SLC25A46: variants seen among roughly 807,000 people sequenced by gnomAD.
The protein encoded by SLC25A46 is mitochondrial outer membrane protein SLC25A46.
A neutral mutation model predicts 44.6 loss-of-function variants in SLC25A46; 39 were observed. That is an observed-to-expected ratio of 0.87 (90% CI 0.68 to 1.14). The LOEUF (loss-of-function observed/expected upper bound fraction) is 1.14. Ranked by LOEUF, SLC25A46 falls within the 50% of genes most tolerant of loss-of-function variation. The pLI is 0.00. For synonymous variants in SLC25A46, 202 were observed against 185.8 expected, an observed-to-expected ratio of 1.09 and a Z score of -0.71; for missense variants, 547 against 522.7, an observed-to-expected ratio of 1.05 and a Z score of -0.45.
intron 7 of SLC25A46, among the ~76,000 whole-genome samples, chr5:110,760,387 C>T (rs1333156375): frequency 6.6e-6 from 1 of 152,090 alleles, no homozygotes; most frequent in African/African-American, 2.4e-5. Flanking sequence ...CTTTGCACAA[C>T]AGCCAGTATT....
intron 5 of SLC25A46, among the ~76,000 whole-genome samples, chr5:110,750,184 T>G (rs6873681): frequency 0.094 from 12,745 of 136,244 alleles, 625 homozygotes; most frequent in African/African-American, 0.14. Flanking sequence ...AAATAAACTT[T>G]GCTAAAACGT....
rs186952647 is a variant in SLC25A46 at position 110,742,246 on chromosome 5, C to T, written c.326+157C>T. Among the ~76,000 whole-genome samples the T allele has an allele frequency of 3.0e-3, 456 of 151,886 alleles. 3 individuals carry two copies. Among genetic ancestry groups the T allele is most frequent in the African/African-American group, 0.01 (417 of 41,426 alleles). On this transcript the variant is annotated intron_variant, in intron 2 of 7. Coordinates refer to ENST00000355943, the MANE Select transcript of SLC25A46 (RefSeq NM_138773.4). ...TAATATTTTGCAGAAAAAAAATGAC[C>T]ATTATTTAAAATATATAATTTGATA...
intron 7 of SLC25A46, among the ~76,000 whole-genome samples, chr5:110,760,947 T>A (rs1800232986): frequency 6.6e-6 from 1 of 152,088 alleles, no homozygotes; most frequent in Non-Finnish European, 1.5e-5. Context: ...AAGAAGTTTC[T>A]TGAGATGTAT....
Position 110,739,295 on chromosome 5 carries a change from A to C in SLC25A46, c.176A>C (p.Glu59Ala), listed in dbSNP as rs1470129405. ...IPGSRNLHWG[E>A]KSPPYGVPTT... ...GGCAGCCGCAACCTGCACTGGGGCGAGAAGAGCCCGCCCTACGGCGTGCCC... is the reference window on the plus strand; with the variant it reads ...GGCAGCCGCAACCTGCACTGGGGCGCGAAGAGCCCGCCCTACGGCGTGCCC... Residue 59 changes from glutamate (E) to alanine (A), a missense_variant, in exon 1 of 8, where the codon GAG (glutamate) becomes GCG (alanine). Transcript: ENST00000355943. The C allele has an allele frequency of 1.3e-6, 2 of 1,573,600 alleles. No homozygotes were observed. The highest frequency in any genetic ancestry group is 1.3e-5 in the African/African-American group (1 of 74,248).
In SLC25A46 at chr5:110,761,641, T is replaced by C; in HGVS notation, c.1116T>C (p.Cys372=). 1.2e-6 allele frequency: 2 copies of C among 1,613,666 alleles called. No homozygotes were observed. The highest frequency in any genetic ancestry group is 8.5e-7 in the Non-Finnish European group (1 of 1,179,726). The change falls in exon 8 of 8, where the codon TGT becomes TGC. Residue 372 remains cysteine, a synonymous_variant. Transcript: ENST00000355943. This position sits in a 1 kb window ranked among gnomAD's most constrained non-coding sequence, Gnocchi z 5.3. ...INTQYEGMRD[C]INTIRQEEGV... ...CACAATATGAGGGAATGAGAGACTG[T>C]ATCAATACCATAAGGCAGGAGGAAG...
At chr5:110,738,811 T>C (rs1464160338), upstream of SLC25A46, 7 of 512,480 alleles carry the variant, frequency 1.4e-5, no homozygotes, top group African/African-American at 2.0e-5. Context: ...ACCAGTTCTC[T>C]TTCTGGAATC....
chr5:110,754,885 G>A (rs1474527418), intron 5 of SLC25A46: 2 of 152,238 alleles, frequency 1.3e-5, no homozygotes, highest in East Asian at 3.8e-4. Context: ...ATGAAATGGA[G>A]AAAATAGGGT....
In SLC25A46 at chr5:110,761,702, A is replaced by G; in HGVS notation, c.1177A>G (p.Ile393Val). 6.2e-7 allele frequency: 1 copy of G among 1,613,464 alleles called. No individual in the cohort carries two copies. The highest frequency in any genetic ancestry group is 8.5e-7 in the Non-Finnish European group (1 of 1,179,642). Residue 393 changes from isoleucine (I) to valine (V), a missense_variant, in exon 8 of 8, where the codon ATA (isoleucine) becomes GTA (valine). By Grantham distance (29) the Ile-to-Val change is conservative. Transcript: ENST00000355943. The surrounding 1 kb of genome is among the most constrained non-coding windows in gnomAD (Gnocchi z 5.3). Reference sequence around the variant, plus strand: ...TTTTTATAAAGGGTTTGGTGCTGTTATAATACAGTACACACTGCATGCAGC... The same window carrying G: ...TTTTTATAAAGGGTTTGGTGCTGTTGTAATACAGTACACACTGCATGCAGC... ...FGFYKGFGAVIIQYTLHAAVL... is the reference protein window; with the variant it reads ...FGFYKGFGAVVIQYTLHAAVL...
At chr5:110,738,207 AG>A, upstream of SLC25A46, 1 of 1,286,574 alleles carries the variant, frequency 7.8e-7, no homozygotes, top group South Asian at 1.2e-5. Flanking sequence ...AGATCTGGGG[AG>A]GGAGCCTGGC....
intron 1 of SLC25A46, among the ~76,000 whole-genome samples, chr5:110,739,962 T>A (rs373544854): frequency 2.0e-5 from 3 of 152,202 alleles, no homozygotes; most frequent in Non-Finnish European, 4.4e-5. Context: ...CTTTTCCTTT[T>A]TGAACACAGG....
chr5:110,746,090 A>G (rs761322353), intron 3 of SLC25A46, 179 bp from the exon 4 acceptor site: 1 of 566,062 alleles, frequency 1.8e-6, no homozygotes, highest in Non-Finnish European at 3.1e-6. Context: ...AACCATACAT[A>G]CTGTACTTTT....
intron 7 of SLC25A46, among the ~76,000 whole-genome samples, chr5:110,757,432 C>G (rs1800145911): frequency 6.6e-6 from 1 of 152,018 alleles, no homozygotes; most frequent in African/African-American, 2.4e-5. Flanking sequence ...ATTTGTACAC[C>G]TGTCTTCTAT....
intron 7 of SLC25A46, among the ~76,000 whole-genome samples, chr5:110,758,639 G>A (rs368552560): frequency 1.3e-5 from 2 of 151,812 alleles, no homozygotes; most frequent in African/African-American, 2.4e-5. Flanking sequence ...AAAATTAGCC[G>A]GGTGTGGTAG....
chr5:110,746,776 A>G (rs1215462518), intron 4 of SLC25A46, among the ~76,000 whole-genome samples: 1 of 152,192 alleles, frequency 6.6e-6, no homozygotes, highest in Non-Finnish European at 1.5e-5. Flanking sequence ...TCTTGTTGAG[A>G]AGTCTGACTC....
At position 110,740,845 on chromosome 5, in the gene SLC25A46, G is replaced by A. The variant is rs544174802; in HGVS notation, c.284-1202G>A. Among the ~76,000 whole-genome samples the A allele has an allele frequency of 3.2e-4, 48 of 152,270 alleles. 1 individual carries two copies. The South Asian group carries it at 4.8e-3, about 15-fold the overall frequency. On this transcript the variant is annotated intron_variant, in intron 1 of 7. Transcript: ENST00000355943. ...CGGATGCCTGTAGTCCCAGCTACTCGGGAGGCTGAGGCAGGAGAATGGCGT... is the reference window on the plus strand; with the variant it reads ...CGGATGCCTGTAGTCCCAGCTACTCAGGAGGCTGAGGCAGGAGAATGGCGT...
chr5:110,741,527 GT>G (rs1799689766), intron 1 of SLC25A46, among the ~76,000 whole-genome samples: 1 of 152,168 alleles, frequency 6.6e-6, no homozygotes, highest in African/African-American at 2.4e-5. Flanking sequence ...TGAATAACTA[GT>G]TTTACAGCAT....
chr5:110,764,552 C>G lies in SLC25A46; in HGVS notation c.*2770C>G, dbSNP rs1800340916. ...TGCTTACTATTGCAGATATACCTGACCACTCACAACTGTCTTTTTAGCAGC... is the reference window on the plus strand; with the variant it reads ...TGCTTACTATTGCAGATATACCTGAGCACTCACAACTGTCTTTTTAGCAGC... On this transcript the variant is annotated 3_prime_UTR_variant, in exon 8 of 8. Coordinates refer to ENST00000355943, the MANE Select transcript of SLC25A46 (RefSeq NM_138773.4). The G allele has an allele frequency of 6.6e-6, 1 of 151,892 alleles. No homozygotes were observed. Among genetic ancestry groups the G allele is most frequent in the South Asian group, 2.1e-4 (1 of 4,832 alleles). The allele number at this position is 151,892 out of a possible 1,614,324, so 9.4% of individuals were successfully genotyped here.
intron 3 of SLC25A46, 87 bp downstream of exon 3, chr5:110,743,874 T>A: frequency 1.0e-6 from 1 of 989,730 alleles, no homozygotes; most frequent in Non-Finnish European, 1.5e-6. Flanking sequence ...TGAAACCAGG[T>A]AATTGTTACT....
In SLC25A46 at chr5:110,739,080, T is replaced by C. The variant is rs1382299402; in HGVS notation, c.-40T>C. 6 of 1,533,590 alleles carry C rather than the reference T, an allele frequency of 3.9e-6. No homozygotes were observed. The highest frequency in any genetic ancestry group is 5.2e-6 in the Non-Finnish European group (6 of 1,144,084). 95.0% of individuals were successfully genotyped at this position (1,533,590 alleles called of 1,614,324 possible). On this transcript the variant is annotated 5_prime_UTR_variant, in exon 1 of 8. Coordinates refer to ENST00000355943, the MANE Select transcript of SLC25A46 (RefSeq NM_138773.4). Reference sequence around the variant, plus strand: ...TAGGTCGTGGTGGCCCCGGTGGTGGTGGGCTCCGGGCGGGCTCGCGTCATC... The same window carrying C: ...TAGGTCGTGGTGGCCCCGGTGGTGGCGGGCTCCGGGCGGGCTCGCGTCATC...
Sources: allele counts gnomAD v4.1 joint callset (sites outside exome capture counted in the v4.1 genomes callset), GRCh38; gene constraint gnomAD v4.1.1; non-coding constraint Gnocchi (gnomAD v3.1); transcripts MANE v1.5; gene names NCBI Gene and HGNC (gene_info 2026-07-23, HGNC 2026-07-21).